BBS9: variants seen among roughly 807,000 people sequenced by gnomAD.
The protein encoded by BBS9 is Bardet-Biedl syndrome 9.
A neutral mutation model predicts 117.7 loss-of-function variants in BBS9; 89 were observed. The observed-to-expected ratio is 0.76, with a 90% confidence interval of 0.64 to 0.90. BBS9 has a LOEUF of 0.90. Ranked by LOEUF, BBS9 falls within the 40% of genes least tolerant of loss-of-function variation. The pLI is 0.00. For missense variants in BBS9, 982 were observed against 1,042.2 expected (o/e 0.94, Z 0.80); for synonymous variants, 379 against 370.9 (o/e 1.02, Z -0.25).
At chr7:33,223,761 A>G (rs1790724785) in intron 5 of BBS9, among the ~76,000 whole-genome samples, 1 of 152,092 alleles carries the variant, frequency 6.6e-6, no homozygotes, top group African/African-American at 2.4e-5. Flanking sequence ...GCCTGATAGA[A>G]CTTGTGTTTG....
At chr7:33,618,398 A>G (rs1562535846) in intron 21 of BBS9, among the ~76,000 whole-genome samples, 1 of 152,174 alleles carries the variant, frequency 6.6e-6, no homozygotes, top group Non-Finnish European at 1.5e-5. Flanking sequence ...ATGAAAGTAT[A>G]AAACTCACTA....
At position 33,605,183 on chromosome 7, in the gene BBS9, C is replaced by A; in HGVS notation, c.2633-12C>A. ...TTTCTCTCTCTTTCTCTCTTACTCT[C>A]TTTTTTTCCAGAAGTTTCACCCCTC... On this transcript the variant is annotated splice_polypyrimidine_tract_variant and intron_variant, in intron 22 of 22. Transcript: ENST00000242067. The A allele has an allele frequency of 1.9e-6, 3 of 1,609,014 alleles. No individual in the cohort carries two copies. Among genetic ancestry groups the A allele is most frequent in the Non-Finnish European group, 2.6e-6 (3 of 1,175,368 alleles).
At chr7:33,597,056 C>G (rs1862939008) in intron 21 of BBS9, among the ~76,000 whole-genome samples, 1 of 139,512 alleles carries the variant, frequency 7.2e-6, no homozygotes, top group Non-Finnish European at 1.5e-5. Context: ...TCATCTCTCT[C>G]TCTCTCTCTC....
chr7:33,385,250 G>A (rs1200646792), intron 18 of BBS9, among the ~76,000 whole-genome samples: 1 of 152,104 alleles, frequency 6.6e-6, no homozygotes, highest in Admixed American at 6.6e-5. Flanking sequence ...CTTTTCTGAG[G>A]AGGGACTTAG....
chr7:33,423,824 A>AT (rs1323462963), intron 19 of BBS9, among the ~76,000 whole-genome samples: 4 of 152,186 alleles, frequency 2.6e-5, no homozygotes, highest in African/African-American at 7.2e-5. Context: ...GGTAGCCATG[A>AT]TTTGGTTAAA....
rs1864466185 is a variant in BBS9 at position 33,605,472 on chromosome 7, C to T, written c.*246C>T. 2 of 568,192 alleles carry T rather than the reference C, an allele frequency of 3.5e-6. No individual in the cohort carries two copies. The highest frequency in any genetic ancestry group is 6.3e-6 in the Non-Finnish European group (2 of 316,906). The allele number at this position is 568,192 out of a possible 1,614,324, so 35.2% of individuals were successfully genotyped here. A position where few individuals can be genotyped will look rare whatever the true frequency, so the allele number is the denominator to read the frequency against. On this transcript the variant is annotated 3_prime_UTR_variant, in exon 23 of 23. Coordinates refer to ENST00000242067, the MANE Select transcript of BBS9 (RefSeq NM_198428.3). ...AAAGGAAGTAGTTGCCTTTGGTCATCCATCTGCTAATAGTCACAGAATACA... is the reference window on the plus strand; with the variant it reads ...AAAGGAAGTAGTTGCCTTTGGTCATTCATCTGCTAATAGTCACAGAATACA...
At chr7:33,590,564 T>G (rs1287430647) in intron 21 of BBS9, among the ~76,000 whole-genome samples, 2 of 151,650 alleles carry the variant, frequency 1.3e-5, no homozygotes, top group Admixed American at 1.3e-4. Context: ...CTGCTCTGTC[T>G]TCCTAAAATT....
At chr7:33,310,880 G>A (rs550698983) in intron 9 of BBS9, among the ~76,000 whole-genome samples, 1 of 152,164 alleles carries the variant, frequency 6.6e-6, no homozygotes, top group Non-Finnish European at 1.5e-5. Flanking sequence ...AGATTCTGGG[G>A]ATATATTCAT....
intron 19 of BBS9, among the ~76,000 whole-genome samples, chr7:33,463,325 A>G (rs1839744749): frequency 6.6e-6 from 1 of 152,120 alleles, no homozygotes; most frequent in Non-Finnish European, 1.5e-5. Flanking sequence ...GAAGTGAAAT[A>G]GCAAAGGGAG....
intron 9 of BBS9, among the ~76,000 whole-genome samples, chr7:33,335,939 T>G (rs1051690131): frequency 2.6e-5 from 4 of 152,112 alleles, no homozygotes; most frequent in African/African-American, 9.7e-5. Flanking sequence ...ACTTTTTTTT[T>G]CGCAAGACCT....
chr7:33,398,407 G>T (rs1828358399), intron 19 of BBS9, among the ~76,000 whole-genome samples: 1 of 152,154 alleles, frequency 6.6e-6, no homozygotes, highest in South Asian at 2.1e-4. Flanking sequence ...ATAACTGAAT[G>T]GTATGCTTGA....
At chr7:33,601,579 T>A (rs1050920106) in intron 21 of BBS9, among the ~76,000 whole-genome samples, 1 of 152,112 alleles carries the variant, frequency 6.6e-6, no homozygotes, top group Admixed American at 6.6e-5. Context: ...CAGATGTCAA[T>A]TTAGTAGATG....
chr7:33,343,565 C>G (rs1445589487), intron 11 of BBS9, among the ~76,000 whole-genome samples: 1 of 151,312 alleles, frequency 6.6e-6, no homozygotes, highest in African/African-American at 2.4e-5. Context: ...GTGGCGTGAT[C>G]TGGGCTCACT....
intron 19 of BBS9, among the ~76,000 whole-genome samples, chr7:33,426,782 C>A (rs1833721704): frequency 6.6e-6 from 1 of 152,054 alleles, no homozygotes; most frequent in African/African-American, 2.4e-5. Context: ...TCCATGAGTG[C>A]CTAGTTGGTA....
intron 19 of BBS9, among the ~76,000 whole-genome samples, chr7:33,449,117 G>A (rs1207932502): frequency 2.0e-5 from 3 of 152,176 alleles, no homozygotes; most frequent in African/African-American, 2.4e-5. Flanking sequence ...GAGAGAAAAG[G>A]AAGAAACCCA....
Position 33,384,055 on chromosome 7 carries a change from C to T in BBS9, c.1962+217C>T, listed in dbSNP as rs77164566. On this transcript the variant is annotated intron_variant, in intron 18 of 22. Transcript: ENST00000242067. Reference sequence around the variant, plus strand: ...AATGGCTGCCTGGAGCTAACCATGTCGTCTGGCCCTGGAACAGAGCTGATT... The same window carrying T: ...AATGGCTGCCTGGAGCTAACCATGTTGTCTGGCCCTGGAACAGAGCTGATT... 8.5e-4 allele frequency among the ~76,000 whole-genome samples: 130 copies of T among 152,294 alleles called. 1 individual carries two copies. Among genetic ancestry groups the T allele is most frequent in the Non-Finnish European group, 1.6e-3 (107 of 68,016 alleles).
chr7:33,615,630 G>C (rs1007047581), intron 21 of BBS9, among the ~76,000 whole-genome samples: 2 of 152,020 alleles, frequency 1.3e-5, no homozygotes, highest in African/African-American at 4.8e-5. Flanking sequence ...ATACCAGAAA[G>C]AGAAAAAAGA....
chr7:33,463,497 T>C (rs573552914), intron 19 of BBS9, among the ~76,000 whole-genome samples: 1 of 152,160 alleles, frequency 6.6e-6, no homozygotes, highest in Non-Finnish European at 1.5e-5. Context: ...TCCCTTCCAG[T>C]CTTAAAAATT....
At chr7:33,240,501 C>T (rs1794318120) in intron 5 of BBS9, among the ~76,000 whole-genome samples, 1 of 152,156 alleles carries the variant, frequency 6.6e-6, no homozygotes, top group South Asian at 2.1e-4. Context: ...AATTCTCCCA[C>T]CTTGACCTCC....
Sources: gnomAD v4.1 joint callset for allele counts (sites outside exome capture counted in the v4.1 genomes callset) on GRCh38, gnomAD v4.1.1 for gene constraint, MANE v1.5 for transcripts, NCBI Gene and HGNC (gene_info 2026-07-23, HGNC 2026-07-21) for gene names.